The following PDE1C variants were observed in gnomAD, a reference collection of about 807,000 sequenced individuals.
PDE1C encodes dual specificity calcium/calmodulin-dependent 3',5'-cyclic nucleotide phosphodiesterase 1C.
In PDE1C, 62 loss-of-function variants were observed where a neutral mutation model predicts 93.1. That is an observed-to-expected ratio of 0.67 (90% CI 0.54 to 0.82). The LOEUF (loss-of-function observed/expected upper bound fraction) is 0.82, where lower values mean the gene tolerates loss of function less well. PDE1C is among the 40% of genes least tolerant of loss of function. The pLI is 0.00. For missense variants in PDE1C, 742 were observed against 884.6 expected, an observed-to-expected ratio of 0.84 and a Z score of 2.04; for synonymous variants, 325 against 310.1, an observed-to-expected ratio of 1.05 and a Z score of -0.50.
chr7:31,775,553 G>A lies in PDE1C; in HGVS notation c.1960+111C>T, dbSNP rs866211935. The A allele has an allele frequency of 1.0e-4, 87 of 836,168 alleles. No homozygotes were observed. In the Middle Eastern group the frequency reaches 2.3e-3, roughly 22 times the overall value. 51.8% of individuals were successfully genotyped at this position (836,168 alleles called of 1,614,324 possible). ...ACAAAGCTCTCTGATAACGTGAGTAGACTGGATAACTATGGGGCCATGTTC... is the reference window on the plus strand; with the variant it reads ...ACAAAGCTCTCTGATAACGTGAGTAAACTGGATAACTATGGGGCCATGTTC... On this transcript the variant is annotated intron_variant, in intron 17 of 17. Transcript: ENST00000396191.
At chr7:32,396,769 A>C (rs1261583208) in intron 1 of PDE1C, among the ~76,000 whole-genome samples, 1 of 152,198 alleles carries the variant, frequency 6.6e-6, no homozygotes, top group Non-Finnish European at 1.5e-5. Context: ...ACAACGTGAA[A>C]CCAGCATAAG....
chr7:31,875,608 T>C (rs1181707983), intron 5 of PDE1C, among the ~76,000 whole-genome samples: 1 of 151,622 alleles, frequency 6.6e-6, no homozygotes, highest in Non-Finnish European at 1.5e-5. Flanking sequence ...GAACTTCCTG[T>C]TAGTCTAACA....
At chr7:32,166,973 G>C (rs200641287) in intron 3 of PDE1C, among the ~76,000 whole-genome samples, 2 of 152,156 alleles carry the variant, frequency 1.3e-5, no homozygotes, top group African/African-American at 4.8e-5. Flanking sequence ...CTCTCTCCAA[G>C]CCAGTTTCTT....
chr7:32,163,239 A>G (rs1236857103), intron 3 of PDE1C, among the ~76,000 whole-genome samples: 2 of 152,164 alleles, frequency 1.3e-5, no homozygotes, highest in Non-Finnish European at 2.9e-5. Flanking sequence ...GACTCATCCC[A>G]GGGCGGGGCC....
the PDE1C span, among the ~76,000 whole-genome samples, chr7:31,662,105 C>T: frequency 1.5e-4 from 23 of 152,122 alleles, no homozygotes; most frequent in Non-Finnish European, 2.8e-4. Flanking sequence ...GCCAGTCCTT[C>T]CAGAGCTGTA....
At chr7:31,765,033 C>T (rs1562757279) in intron 17 of PDE1C, among the ~76,000 whole-genome samples, 1 of 152,164 alleles carries the variant, frequency 6.6e-6, no homozygotes, top group Non-Finnish European at 1.5e-5. Flanking sequence ...AAGTTCCTTT[C>T]CTCTCAAGCT....
In PDE1C at chr7:31,930,353, C is replaced by T. The variant is rs548164382; in HGVS notation, c.129-49493G>A. On this transcript the variant is annotated intron_variant, in intron 2 of 17. Coordinates refer to ENST00000396191, the MANE Select transcript of PDE1C (RefSeq NM_001191057.4). ...GTACAAAGAGGAGCTGGTATTATTC[C>T]TTCTGAAACTATTCCAAACAATAGA... Among the ~76,000 whole-genome samples the T allele has an allele frequency of 1.2e-3, 190 of 152,190 alleles. 1 individual carries two copies. The highest frequency in any genetic ancestry group is 4.4e-3 in the African/African-American group (181 of 41,496).
Position 31,888,768 on chromosome 7 carries a change from C to G in PDE1C, c.129-7908G>C, listed in dbSNP as rs117666136. On this transcript the variant is annotated intron_variant, in intron 2 of 17. Coordinates refer to ENST00000396191, the MANE Select transcript of PDE1C (RefSeq NM_001191057.4). ...GTATGGGAAGTCTTCACCAGTTCAA[C>G]AAAGAAAGAAGAAATAATAGACATA... is the stretch of plus-strand genomic sequence containing the variant. Among the ~76,000 whole-genome samples the G allele has an allele frequency of 6.2e-3, 944 of 151,416 alleles. 10 individuals carry two copies. The highest frequency in any genetic ancestry group is 0.01 in the Non-Finnish European group (711 of 67,864).
intron 7 of PDE1C, among the ~76,000 whole-genome samples, chr7:31,863,983 G>T (rs887234389): frequency 3.9e-5 from 6 of 152,142 alleles, no homozygotes; most frequent in Non-Finnish European, 7.3e-5. Flanking sequence ...TGGAGGAAAA[G>T]ATAACAAATG....
At chr7:32,255,815 G>A (rs1809748748) in intron 1 of PDE1C, among the ~76,000 whole-genome samples, 1 of 152,212 alleles carries the variant, frequency 6.6e-6, no homozygotes, top group South Asian at 2.1e-4. Context: ...AGTTAAGCAT[G>A]CATGGTCAGG....
chr7:32,120,838 G>C (rs370841960), intron 3 of PDE1C, among the ~76,000 whole-genome samples: 18 of 152,298 alleles, frequency 1.2e-4, no homozygotes, highest in African/African-American at 3.4e-4. Flanking sequence ...AATGATCGCA[G>C]TGCCTCTCCA....
At chr7:32,380,404 A>T (rs1421533669) in intron 1 of PDE1C, among the ~76,000 whole-genome samples, 2 of 137,258 alleles carry the variant, frequency 1.5e-5, no homozygotes, top group South Asian at 2.3e-4. Flanking sequence ...TGCCCGGCTA[A>T]TTTTTTTTTT....
chr7:32,358,897 C>CTGTGTG lies in PDE1C; in HGVS notation c.310+68919_310+68924dup, dbSNP rs71559224. Reference sequence around the variant, plus strand: ...CATCTAACATTGTGTGTGTGTGTGTCTGTGTGTGTGTGTGTGTGTAACAGT... The same window carrying CTGTGTG: ...CATCTAACATTGTGTGTGTGTGTGTCTGTGTGTGTGTGTGTGTGTGTGTGTAACAGT... On this transcript the variant is annotated intron_variant, in intron 1 of 1. Transcript: ENST00000672256. Among the ~76,000 whole-genome samples, 21 of 145,406 alleles carry CTGTGTG rather than the reference C, an allele frequency of 1.4e-4. No homozygotes were observed. The South Asian group carries it at 1.5e-3, about 11-fold the overall frequency.
chr7:32,041,082 A>G (rs1421691563), intron 2 of PDE1C, among the ~76,000 whole-genome samples: 2 of 152,132 alleles, frequency 1.3e-5, no homozygotes, highest in African/African-American at 4.8e-5. Context: ...CTGAAGTCCC[A>G]AGACTTCAGT....
chr7:31,816,264 G>A (rs1205465779), intron 14 of PDE1C, 110 bp from the exon 15 acceptor site: 4 of 983,232 alleles, frequency 4.1e-6, no homozygotes, highest in Middle Eastern at 6.4e-4. Flanking sequence ...TTTACTGAGT[G>A]TTTGGGTACA....
chr7:32,328,167 A>G (rs562309366), intron 1 of PDE1C, among the ~76,000 whole-genome samples: 12 of 152,218 alleles, frequency 7.9e-5, no homozygotes, highest in Non-Finnish European at 1.2e-4. Context: ...CTCTCATCAC[A>G]GTATAGAGTA....
intron 1 of PDE1C, among the ~76,000 whole-genome samples, chr7:32,210,709 T>A (rs1805960693): frequency 6.6e-6 from 1 of 152,176 alleles, no homozygotes; most frequent in African/African-American, 2.4e-5. Flanking sequence ...AATTACTAAT[T>A]TGGGCAATTT....
At chr7:31,988,154 C>G (rs959507079) in intron 2 of PDE1C, among the ~76,000 whole-genome samples, 4 of 152,212 alleles carry the variant, frequency 2.6e-5, no homozygotes, top group African/African-American at 7.2e-5. Context: ...TGTGGCTTCA[C>G]CCTCTGCCCT....
chr7:32,125,586 G>C (rs1584809707), intron 3 of PDE1C, among the ~76,000 whole-genome samples: 1 of 152,140 alleles, frequency 6.6e-6, no homozygotes, highest in Admixed American at 6.5e-5. Context: ...GATGAAGCTG[G>C]AAGCCATAAT....
Sources: gnomAD v4.1 joint callset for allele counts (sites outside exome capture counted in the v4.1 genomes callset) on GRCh38, gnomAD v4.1.1 for gene constraint, MANE v1.5 for transcripts, NCBI Gene and HGNC (gene_info 2026-07-23, HGNC 2026-07-21) for gene names.